TMTC2: variants seen among roughly 807,000 people sequenced by gnomAD.
The protein encoded by TMTC2 is transmembrane O-mannosyltransferase targeting cadherins 2.
In TMTC2, 43 loss-of-function variants were observed where a neutral mutation model predicts 82.4. That is an observed-to-expected ratio of 0.52 (90% CI 0.41 to 0.67). TMTC2 has a LOEUF of 0.67. Ranked by LOEUF, TMTC2 falls within the 30% of genes least tolerant of loss-of-function variation. TMTC2 has a pLI of 0.00. For missense variants in TMTC2, 919 were observed against 1,012.4 expected (o/e 0.91, Z 1.25); for synonymous variants, 408 against 381.9 (o/e 1.07, Z -0.80).
rs1336018620 is a variant in TMTC2 at position 82,895,825 on chromosome 12, A to T, written c.662A>T (p.Asn221Ile). 6.2e-7 allele frequency: 1 copy of T among 1,603,636 alleles called. No homozygotes were observed. Among genetic ancestry groups the T allele is most frequent in the Non-Finnish European group, 8.5e-7 (1 of 1,174,564 alleles). ...TCTCTCTTTTGGTTTCAGAGGAAGA[A>T]CTTGTCGCTTTTCCTAAGCATTAGT... ...QILPTIYKRK[N>I]LSLFLSISLL... Residue 221 changes from asparagine (N) to isoleucine (I), a missense_variant, in exon 3 of 12, where the codon AAC (asparagine) becomes ATC (isoleucine). Asn to Ile is a moderately radical substitution (Grantham distance 149). Coordinates refer to ENST00000321196, the MANE Select transcript of TMTC2 (RefSeq NM_152588.3).
At chr12:83,080,883 A>G (rs949820050) in intron 11 of TMTC2, among the ~76,000 whole-genome samples, 1 of 152,176 alleles carries the variant, frequency 6.6e-6, no homozygotes. Context: ...CACATGGTCT[A>G]TGGATTCCAG....
intron 7 of TMTC2, among the ~76,000 whole-genome samples, chr12:82,974,733 A>G (rs1489750943): frequency 6.6e-6 from 1 of 152,206 alleles, no homozygotes; most frequent in African/African-American, 2.4e-5. Flanking sequence ...AAAATCATCT[A>G]TTTCATGCAT....
At chr12:82,841,488 T>A (rs1870332343) in intron 1 of TMTC2, among the ~76,000 whole-genome samples, 1 of 152,220 alleles carries the variant, frequency 6.6e-6, no homozygotes, top group Non-Finnish European at 1.5e-5. Flanking sequence ...GTGTTATTTT[T>A]AAATTAGAGT....
chr12:82,794,943 G>A (rs1042692358), intron 1 of TMTC2, among the ~76,000 whole-genome samples: 1 of 152,082 alleles, frequency 6.6e-6, no homozygotes, highest in Admixed American at 6.6e-5. Context: ...ATAAATAAAA[G>A]GAGGCCGGGA....
intron 1 of TMTC2, among the ~76,000 whole-genome samples, chr12:82,787,836 G>A (rs1054693044): frequency 1.3e-5 from 2 of 151,970 alleles, no homozygotes; most frequent in African/African-American, 4.8e-5. Flanking sequence ...GCTTGAACCT[G>A]GGAGGTGGAG....
At position 83,132,952 on chromosome 12, in the gene TMTC2, CTA is replaced by C. The variant is rs1236451698; in HGVS notation, c.*565_*566del. The C allele has an allele frequency of 1.3e-5, 2 of 152,598 alleles. No homozygotes were observed. Among genetic ancestry groups the C allele is most frequent in the African/African-American group, 4.8e-5 (2 of 41,448 alleles). 9.5% of individuals were successfully genotyped at this position (152,598 alleles called of 1,614,324 possible). On this transcript the variant is annotated 3_prime_UTR_variant, in exon 12 of 12. Coordinates refer to ENST00000321196, the MANE Select transcript of TMTC2 (RefSeq NM_152588.3). ...CTGTGTCAAGATCTGTCAGAATCTG[CTA>C]TGTTTCTTGACCAGTGCACATAATG... is the stretch of plus-strand genomic sequence containing the variant.
At chr12:82,898,792 AAAAGGAAGGCTGGG>A (rs1384941538) in intron 3 of TMTC2, among the ~76,000 whole-genome samples, 5 of 152,192 alleles carry the variant, frequency 3.3e-5, no homozygotes, top group African/African-American at 1.2e-4. Flanking sequence ...ACACCTACCT[AAAAGGAAGGCTGGG>A]AAATGTTATC....
chr12:83,018,663 G>GT (rs60811291), intron 8 of TMTC2, among the ~76,000 whole-genome samples: 107,686 of 143,376 alleles, frequency 0.75, 41,201 homozygotes, highest in South Asian at 0.89. Flanking sequence ...AAATTTGCGG[G>GT]TTTTTTTTTT....
intron 1 of TMTC2, among the ~76,000 whole-genome samples, chr12:82,756,719 T>G (rs747751335): frequency 6.6e-5 from 10 of 152,180 alleles, no homozygotes; most frequent in Admixed American, 1.3e-4. Context: ...TAGTATTTAT[T>G]TATTTATTTT....
Position 83,050,930 on chromosome 12 carries a change from C to A in TMTC2, c.2179C>A (p.Leu727Ile). ...YGQFLLEEAR[L>I]IEAAEMAKKA... is the part of the protein sequence containing the mutation. ...TCAGTTTCTTCTGGAAGAAGCTCGT[C>A]TCATAGAAGCAGCTGAGATGGCAAA... Residue 727 changes from leucine to isoleucine, a missense_variant, in exon 10 of 12, where the codon CTC (leucine) becomes ATC (isoleucine). Coordinates refer to ENST00000321196, the MANE Select transcript of TMTC2 (RefSeq NM_152588.3). 6.2e-7 allele frequency: 1 copy of A among 1,612,800 alleles called. No individual in the cohort carries two copies. Among genetic ancestry groups the A allele is most frequent in the Non-Finnish European group, 8.5e-7 (1 of 1,179,276 alleles).
chr12:82,708,189 G>A (rs1873460131), intron 1 of TMTC2, among the ~76,000 whole-genome samples: 1 of 152,128 alleles, frequency 6.6e-6, no homozygotes, highest in Non-Finnish European at 1.5e-5. Context: ...GCCCTTAACC[G>A]AAAAAGTTTG....
At chr12:82,765,047 T>G (rs1195306550) in intron 1 of TMTC2, among the ~76,000 whole-genome samples, 1 of 152,060 alleles carries the variant, frequency 6.6e-6, no homozygotes, top group Non-Finnish European at 1.5e-5. Flanking sequence ...CAGAAACACC[T>G]TAAAGATCTT....
chr12:82,812,621 T>C (rs1410841955), intron 1 of TMTC2, among the ~76,000 whole-genome samples: 1 of 152,136 alleles, frequency 6.6e-6, no homozygotes, highest in Non-Finnish European at 1.5e-5. Flanking sequence ...GATAGAATTA[T>C]GGAAAGCATC....
chr12:82,776,617 A>G (rs916025999), intron 1 of TMTC2, among the ~76,000 whole-genome samples: 14 of 120,220 alleles, frequency 1.2e-4, no homozygotes, highest in South Asian at 4.5e-4. Context: ...TCTCTAATGA[A>G]AAAAAAAAAA....
chr12:82,899,592 T>TATATATATAAGA (rs1873863570), intron 3 of TMTC2, among the ~76,000 whole-genome samples: 1 of 130,236 alleles, frequency 7.7e-6, no homozygotes, highest in African/African-American at 3.2e-5. Context: ...TATATAAGAA[T>TATATATATAAGA]ATATATATGT....
chr12:82,705,893 CT>C (rs1873329378), intron 1 of TMTC2, among the ~76,000 whole-genome samples: 1 of 152,110 alleles, frequency 6.6e-6, no homozygotes, highest in African/African-American at 2.4e-5. Context: ...TAGAGACATG[CT>C]TATGGCTTGA....
At chr12:83,079,633 C>T (rs1212065933) in intron 11 of TMTC2, among the ~76,000 whole-genome samples, 1 of 152,094 alleles carries the variant, frequency 6.6e-6, no homozygotes, top group African/African-American at 2.4e-5. Context: ...ATATCATAGG[C>T]ATTCATACTT....
intron 3 of TMTC2, 116 bp downstream of exon 3, chr12:82,896,762 C>T (rs1319872936): frequency 2.8e-6 from 2 of 709,318 alleles, no homozygotes; most frequent in Non-Finnish European, 4.4e-6. Context: ...TATGCAGTAC[C>T]TGTATCTTTC....
At chr12:82,923,844 A>G (rs1305941975) in intron 3 of TMTC2, among the ~76,000 whole-genome samples, 1 of 152,146 alleles carries the variant, frequency 6.6e-6, no homozygotes, top group African/African-American at 2.4e-5. Context: ...ATATTCCTCC[A>G]TTTCTTTTAG....
Sources: allele counts gnomAD v4.1 joint callset (sites outside exome capture counted in the v4.1 genomes callset), GRCh38; gene constraint gnomAD v4.1.1; transcripts MANE v1.5; gene names NCBI Gene and HGNC (gene_info 2026-07-23, HGNC 2026-07-21).